The following TMTC3 variants were observed in gnomAD, a reference collection of about 807,000 sequenced individuals.
The protein encoded by TMTC3 is transmembrane O-mannosyltransferase targeting cadherins 3, also known as protein O-mannosyl-transferase TMTC3.
A neutral mutation model predicts 92.2 loss-of-function variants in TMTC3; 52 were observed. The ratio of observed to expected loss-of-function variants is 0.56; its 90% CI spans 0.45 to 0.71. The LOEUF (loss-of-function observed/expected upper bound fraction) is 0.71, where lower values mean the gene tolerates loss of function less well. TMTC3 is among the 30% of genes least tolerant of loss of function. The pLI is 0.00. For synonymous variants in TMTC3, 339 were observed against 363.3 expected (o/e 0.93, Z 0.76); for missense variants, 896 against 1,057.1 (o/e 0.85, Z 2.11).
intron 2 of TMTC3, among the ~76,000 whole-genome samples, chr12:88,151,394 A>G (rs1343537693): frequency 6.6e-6 from 1 of 152,172 alleles, no homozygotes; most frequent in Non-Finnish European, 1.5e-5. Context: ...ACTGTTGTGT[A>G]TTTTTATTGC....
intron 11 of TMTC3, 47 bp downstream of exon 11, chr12:88,188,993 A>C: frequency 9.9e-7 from 1 of 1,005,542 alleles, no homozygotes; most frequent in Non-Finnish European, 1.5e-6. Context: ...TTAGATGTCC[A>C]TATTGAATAG....
rs2041532904 is a variant in TMTC3 at position 88,197,838 on chromosome 12, A to G, written c.*2189A>G. 1 of 152,126 alleles carries G rather than the reference A, an allele frequency of 6.6e-6. No individual in the cohort carries two copies. The highest frequency in any genetic ancestry group is 6.6e-5 in the Admixed American group (1 of 15,248). The allele number at this position is 152,126 out of a possible 1,614,324, so 9.4% of individuals were successfully genotyped here. A position where few individuals can be genotyped will look rare whatever the true frequency, so the allele number is the denominator to read the frequency against. On this transcript the variant is annotated 3_prime_UTR_variant, in exon 14 of 14. Transcript: ENST00000266712. ...TATTAGAATCATCTGAGGACTTTTA[A>G]TATGGAATCCACCTCATAACAATTA...
In TMTC3 at chr12:88,174,471, A is replaced by G. The variant is rs976545904; in HGVS notation, c.1200-136A>G. 3.9e-6 allele frequency: 4 copies of G among 1,038,270 alleles called. No individual in the cohort carries two copies. The African/African-American group carries it at 4.9e-5, about 13-fold the overall frequency. 64.3% of individuals were successfully genotyped at this position (1,038,270 alleles called of 1,614,324 possible). On this transcript the variant is annotated intron_variant, in intron 8 of 13. Coordinates refer to ENST00000266712, the MANE Select transcript of TMTC3 (RefSeq NM_181783.4). ...TTGTATCCTCTAAAGTTGGGTGTTCATTAGAATGAATTAGAATAAATTAAC... is the reference window on the plus strand; with the variant it reads ...TTGTATCCTCTAAAGTTGGGTGTTCGTTAGAATGAATTAGAATAAATTAAC...
chr12:88,161,087 G>T (rs1194652575), intron 6 of TMTC3, among the ~76,000 whole-genome samples: 1 of 152,108 alleles, frequency 6.6e-6, no homozygotes, highest in African/African-American at 2.4e-5. Context: ...AACTGGTTAA[G>T]TGTTAAGGTT....
intron 8 of TMTC3, among the ~76,000 whole-genome samples, 200 bp from the exon 9 acceptor site, chr12:88,174,407 A>T (rs901655236): frequency 6.6e-6 from 1 of 152,116 alleles, no homozygotes; most frequent in Non-Finnish European, 1.5e-5. Flanking sequence ...AATGTAATTG[A>T]CTGGAAGGTC....
chr12:88,183,225 G>T (rs1464576206), intron 10 of TMTC3, among the ~76,000 whole-genome samples: 1 of 152,150 alleles, frequency 6.6e-6, no homozygotes, highest in Admixed American at 6.5e-5. Context: ...CATGTCAGGG[G>T]GAGGAGAGGA....
In TMTC3 at chr12:88,195,732, G is replaced by A; in HGVS notation, c.*83G>A. ...CTTTTACTGGGAGCTTTGAAAAAAA[G>A]TTCAAGGGTTCCTAATGGTCAATCA... On this transcript the variant is annotated 3_prime_UTR_variant, in exon 14 of 14. Transcript: ENST00000266712. The A allele has an allele frequency of 8.4e-7, 1 of 1,197,050 alleles. No individual in the cohort carries two copies. Among genetic ancestry groups the A allele is most frequent in the Non-Finnish European group, 1.2e-6 (1 of 866,394 alleles). The allele number at this position is 1,197,050 out of a possible 1,614,324, so 74.2% of individuals were successfully genotyped here. A position where few individuals can be genotyped will look rare whatever the true frequency, so the allele number is the denominator to read the frequency against.
chr12:88,169,663 G>A (rs1311139437), intron 7 of TMTC3, among the ~76,000 whole-genome samples: 2 of 152,092 alleles, frequency 1.3e-5, no homozygotes, highest in East Asian at 3.9e-4. Context: ...AACTAACTGG[G>A]TTCAATCGCT....
chr12:88,176,355 T>G (rs1239643903), intron 10 of TMTC3, 36 bp downstream of exon 10: 4 of 1,485,286 alleles, frequency 2.7e-6, no homozygotes, highest in Non-Finnish European at 3.7e-6. Flanking sequence ...ATGAATTTTA[T>G]TTTTTAAAAA....
chr12:88,183,668 A>T (rs2041343834), intron 10 of TMTC3, among the ~76,000 whole-genome samples: 1 of 152,032 alleles, frequency 6.6e-6, no homozygotes, highest in Admixed American at 6.5e-5. Context: ...AACATTAGAG[A>T]TGCTACTGGG....
At chr12:88,187,867 A>ATCT (rs1328578869) in intron 10 of TMTC3, among the ~76,000 whole-genome samples, 1 of 152,160 alleles carries the variant, frequency 6.6e-6, no homozygotes, top group Non-Finnish European at 1.5e-5. Context: ...CTGATTTAAG[A>ATCT]TCTTCTACCT....
At chr12:88,185,379 T>C (rs1043258177) in intron 10 of TMTC3, among the ~76,000 whole-genome samples, 46 of 152,092 alleles carry the variant, frequency 3.0e-4, no homozygotes, top group African/African-American at 1.0e-3. Context: ...TGCACAGTTA[T>C]TTTGATACTC....
intron 10 of TMTC3, among the ~76,000 whole-genome samples, chr12:88,177,371 G>A (rs1412971425): frequency 6.6e-6 from 1 of 151,974 alleles, no homozygotes; most frequent in Non-Finnish European, 1.5e-5. Flanking sequence ...CAACTTTTTA[G>A]CTATAATAGT....
chr12:88,187,493 G>A (rs1381454295), intron 10 of TMTC3, among the ~76,000 whole-genome samples: 1 of 152,094 alleles, frequency 6.6e-6, no homozygotes, highest in Non-Finnish European at 1.5e-5. Context: ...TTTGCAGCCA[G>A]AATTAAGAAT....
At chr12:88,155,849 G>A (rs910876758) in intron 4 of TMTC3, among the ~76,000 whole-genome samples, 5 of 152,064 alleles carry the variant, frequency 3.3e-5, no homozygotes, top group African/African-American at 4.8e-5. Context: ...AGTGGTTCAC[G>A]TCTGTAATCC....
chr12:88,160,584 C>T (rs1236130518), intron 5 of TMTC3, 95 bp from the exon 6 acceptor site: 19 of 1,066,830 alleles, frequency 1.8e-5, no homozygotes, highest in Middle Eastern at 2.4e-4. Flanking sequence ...TATAATTATA[C>T]TTGTATCTAA....
rs374001744 is a variant in TMTC3 at position 88,176,170 on chromosome 12, T to C, written c.1321-38T>C. On this transcript the variant is annotated intron_variant, in intron 9 of 13. Transcript: ENST00000266712. ...TCTGTATGAACTGGAGTCATTTTTT[T>C]TTAATTGTAACTTTTTCTATCTGTG... The C allele has an allele frequency of 4.8e-4, 678 of 1,411,768 alleles. 6 individuals are homozygous for C. Among genetic ancestry groups the C allele is most frequent in the South Asian group, 2.7e-3 (220 of 80,308 alleles). The allele number at this position is 1,411,768 out of a possible 1,614,324, so 87.5% of individuals were successfully genotyped here. A position where few individuals can be genotyped will look rare whatever the true frequency, so the allele number is the denominator to read the frequency against.
Position 88,190,911 on chromosome 12 carries a change from C to A in TMTC3, c.1706+289C>A, listed in dbSNP as rs1038812705. Among the ~76,000 whole-genome samples, 6 of 152,138 alleles carry A rather than the reference C, an allele frequency of 3.9e-5. No homozygotes were observed. In the East Asian group the frequency reaches 5.8e-4, roughly 15 times the overall value. Reference sequence around the variant, plus strand: ...TTTTCTTCCCATCACCAAAATTGTTCTTTTCCTATTTAAATTAAAACTTGA... The same window carrying A: ...TTTTCTTCCCATCACCAAAATTGTTATTTTCCTATTTAAATTAAAACTTGA... On this transcript the variant is annotated intron_variant, in intron 12 of 13. Transcript: ENST00000266712.
intron 4 of TMTC3, among the ~76,000 whole-genome samples, chr12:88,154,959 C>T (rs2040988646): frequency 6.6e-6 from 1 of 152,052 alleles, no homozygotes; most frequent in Non-Finnish European, 1.5e-5. Context: ...ACAGTGGGCA[C>T]AAACCTTTAA....
Sources: allele counts gnomAD v4.1 joint callset (sites outside exome capture counted in the v4.1 genomes callset), GRCh38; gene constraint gnomAD v4.1.1; transcripts MANE v1.5; gene names NCBI Gene and HGNC (gene_info 2026-07-23, HGNC 2026-07-21).